Variants in CD163L1 observed in about 807,000 individuals in gnomAD.
CD163L1 encodes scavenger receptor cysteine-rich type 1 protein M160.
CD163L1 carries 124 observed loss-of-function variants against 165.4 expected under a neutral mutation model. That is an observed-to-expected ratio of 0.75 (90% confidence interval 0.65 to 0.87). The LOEUF is 0.87. CD163L1 is among the 40% of genes least tolerant of loss of function. CD163L1 has a pLI of 0.00. For missense variants in CD163L1, 1,525 were observed against 1,799.9 expected (o/e 0.85, Z 2.76); for synonymous variants, 585 against 662.2 (o/e 0.88, Z 1.79).
rs1301029504 is a variant in CD163L1 at position 7,403,446 on chromosome 12, A to G, written c.1408+89T>C. 2.3e-6 allele frequency: 3 copies of G among 1,296,334 alleles called. No individual in the cohort carries two copies. In the African/African-American group the frequency reaches 4.4e-5, roughly 19 times the overall value. 80.3% of individuals were successfully genotyped at this position (1,296,334 alleles called of 1,614,324 possible). On this transcript the variant is annotated intron_variant, in intron 6 of 19. Transcript: ENST00000313599. The stretch of plus-strand genomic sequence containing the variant: ...TGGGTTTTTTTTTAAGGTCCAGAAA[A>G]CCTTTTCTTCAAGCTATTGTTTCTA...
chr12:7,389,952 A>ATATATTTT (rs934845421), intron 8 of CD163L1, among the ~76,000 whole-genome samples: 1 of 114,920 alleles, frequency 8.7e-6, no homozygotes, highest in African/African-American at 4.3e-5. Context: ...CATTTTATAT[A>ATATATTTT]TATATATTTA....
At chr12:7,439,638 T>C in intron 2 of CD163L1, 1 of 1,611,834 alleles carries the variant, frequency 6.2e-7, no homozygotes, top group East Asian at 2.2e-5. Flanking sequence ...CCTTCCTGAC[T>C]GCTTTGGCTT....
intron 5 of CD163L1, among the ~76,000 whole-genome samples, chr12:7,405,186 C>T (rs955066688): frequency 6.6e-6 from 1 of 152,092 alleles, no homozygotes; most frequent in African/African-American, 2.4e-5. Flanking sequence ...ACTGGTCTGA[C>T]AGTTAAGGAT....
In CD163L1 at chr12:7,398,248, C is replaced by A. The variant is rs199560521; in HGVS notation, c.1729+16G>T. ...ATTTCTCTTATCAGGAAATAATAAA[C>A]AAGAACAAGTCTTACCTGAGCAGGT... On this transcript the variant is annotated intron_variant, in intron 7 of 19. Transcript: ENST00000313599. This position sits in a 1 kb window ranked among gnomAD's most constrained non-coding sequence, Gnocchi z 4.5. The A allele has an allele frequency of 3.8e-5, 61 of 1,596,918 alleles. No individual in the cohort carries two copies. The African/African-American group carries it at 7.9e-4, about 21-fold the overall frequency.
chr12:7,324,517 T>C, the CD163L1 span: 6 of 1,613,988 alleles, frequency 3.7e-6, no homozygotes, highest in Non-Finnish European at 4.2e-6. Flanking sequence ...TTGGGCCATT[T>C]GAAGTGGAGA....
chr12:7,327,195 A>G, the CD163L1 span: 83 of 1,347,170 alleles, frequency 6.2e-5, no homozygotes, highest in East Asian at 1.3e-3. Context: ...AGCTCATTAT[A>G]TAGGTAGAAG....
the CD163L1 span, chr12:7,328,340 C>G: frequency 3.7e-5 from 59 of 1,594,392 alleles, no homozygotes; most frequent in Non-Finnish European, 4.6e-5. Context: ...TCAAACGCAA[C>G]GTTTTAAGAG....
chr12:7,359,477 A>G lies in CD163L1; in HGVS notation c.4280-1991T>C, dbSNP rs141833243. Among the ~76,000 whole-genome samples the G allele has an allele frequency of 2.4e-4, 36 of 152,240 alleles. No homozygotes were observed. The East Asian group carries it at 6.8e-3, about 29-fold the overall frequency. The stretch of plus-strand genomic sequence containing the variant: ...TATAATATTTAGTGTGAAAAAAAGA[A>G]CCATCAACTTAGAATTCTGTATTCA... On this transcript the variant is annotated intron_variant, in intron 18 of 19. Transcript: ENST00000313599.
rs1947816134 is a variant in CD163L1, at chr12:7,398,078, A to G, written c.1729+186T>C. Among the ~76,000 whole-genome samples the G allele has an allele frequency of 6.6e-6, 1 of 152,172 alleles. No individual in the cohort carries two copies. The highest frequency in any genetic ancestry group is 2.4e-5 in the African/African-American group (1 of 41,436). ...AGGATCATAGTCAGGGTTGTCTACT[A>G]ATTTCTTACTTTACCTGTATAAGTG... On this transcript the variant is annotated intron_variant, in intron 7 of 19. Transcript: ENST00000313599. This position sits in a 1 kb window ranked among gnomAD's most constrained non-coding sequence, Gnocchi z 4.5.
chr12:7,421,416 T>TATATACATATATGTACATATATAC lies in CD163L1; in HGVS notation c.766+10976_766+10999dup, dbSNP rs1376612338. Among the ~76,000 whole-genome samples, 142 of 106,194 alleles carry TATATACATATATGTACATATATAC rather than the reference T, an allele frequency of 1.3e-3. 14 individuals carry two copies. Among genetic ancestry groups the TATATACATATATGTACATATATAC allele is most frequent in the African/African-American group, 4.0e-3 (99 of 24,616 alleles). The allele number at this position is 106,194 out of a possible 152,430, so 69.7% of individuals were successfully genotyped here. On this transcript the variant is annotated intron_variant, in intron 4 of 19. Coordinates refer to ENST00000313599, the MANE Select transcript of CD163L1 (RefSeq NM_174941.6). ...TATGTATATATATCTTCCAAATGTA[T>TATATACATATATGTACATATATAC]ATATACATATATGTACATATATACA...
chr12:7,359,419 C>T (rs1299185279), intron 18 of CD163L1, among the ~76,000 whole-genome samples: 1 of 152,038 alleles, frequency 6.6e-6, no homozygotes, highest in East Asian at 1.9e-4. Flanking sequence ...CATTGAACTT[C>T]TCTTCAAAAG....
At position 7,374,940 on chromosome 12, in the gene CD163L1, GA is replaced by G. The variant is rs1275928936; in HGVS notation, c.3002-18del. On this transcript the variant is annotated intron_variant, in intron 11 of 19. Transcript: ENST00000313599. The surrounding 1 kb of genome is among the most constrained non-coding windows in gnomAD (Gnocchi z 5.4). ...TCAGGCTTCCTGGTGGAGGGTGCAG[GA>G]AATGGGGCAAAAGTAAGACCAAAAT... 1.9e-6 allele frequency: 3 copies of G among 1,612,222 alleles called. No individual in the cohort carries two copies. The highest frequency in any genetic ancestry group is 2.5e-6 in the Non-Finnish European group (3 of 1,178,264).
intron 4 of CD163L1, among the ~76,000 whole-genome samples, chr12:7,422,059 C>T (rs183396737): frequency 1.8e-4 from 27 of 152,126 alleles, no homozygotes; most frequent in African/African-American, 6.0e-4. Flanking sequence ...GGCATCATGC[C>T]GGTGCCCTCT....
chr12:7,405,068 T>C (rs1947990731), intron 5 of CD163L1, among the ~76,000 whole-genome samples: 1 of 152,176 alleles, frequency 6.6e-6, no homozygotes, highest in South Asian at 2.1e-4. Flanking sequence ...CTGTTTTCAC[T>C]GTTGGGACGG....
chr12:7,436,414 A>G (rs1195838969), intron 2 of CD163L1, among the ~76,000 whole-genome samples: 1 of 152,232 alleles, frequency 6.6e-6, no homozygotes, highest in Non-Finnish European at 1.5e-5. Context: ...AGAAAATTGC[A>G]CAAATAAAGC....
chr12:7,427,502 A>G (rs1948564982), intron 4 of CD163L1, among the ~76,000 whole-genome samples: 1 of 152,158 alleles, frequency 6.6e-6, no homozygotes. Flanking sequence ...TTACCATCAA[A>G]AAATTAATAA....
At chr12:7,399,550 GCTTTCTTTCTTTC>G in intron 6 of CD163L1, among the ~76,000 whole-genome samples, 1 of 40,526 alleles carries the variant, frequency 2.5e-5, no homozygotes, top group South Asian at 8.5e-4. Context: ...TTTCTTTCTT[GCTTTCTTTCTTTC>G]CTTTCTTTCC....
At chr12:7,333,087 A>C in the CD163L1 span, among the ~76,000 whole-genome samples, 1 of 152,200 alleles carries the variant, frequency 6.6e-6, no homozygotes, top group Non-Finnish European at 1.5e-5. Flanking sequence ...ACCTGTTAAC[A>C]GAAAGTTAAC....
chr12:7,358,054 A>G (rs1946815276), intron 18 of CD163L1, among the ~76,000 whole-genome samples: 1 of 152,142 alleles, frequency 6.6e-6, no homozygotes. Flanking sequence ...AAGGTGAATA[A>G]ACTGAAAATC....
Sources: gnomAD v4.1 joint callset for allele counts (sites outside exome capture counted in the v4.1 genomes callset) on GRCh38, gnomAD v4.1.1 for gene constraint, Gnocchi (gnomAD v3.1) non-coding constraint, MANE v1.5 for transcripts, NCBI Gene and HGNC (gene_info 2026-07-23, HGNC 2026-07-21) for gene names.